Variants in VAV3 observed in about 807,000 individuals in gnomAD.
VAV3 encodes the protein guanine nucleotide exchange factor VAV3.
Under a neutral mutation model 131.2 loss-of-function variants are expected in VAV3, and 94 were observed. The observed-to-expected ratio is 0.72, with a 90% CI of 0.61 to 0.85. The LOEUF (loss-of-function observed/expected upper bound fraction) is 0.85, where lower values mean the gene tolerates loss of function less well. Among genes scored for constraint, VAV3 ranks in the 40% least tolerant of loss-of-function variants. VAV3 has a pLI of 0.00. For missense variants in VAV3, 939 were observed against 1,002.7 expected (o/e 0.94, Z 0.86); for synonymous variants, 349 against 342.0 (o/e 1.02, Z -0.22).
At chr1:107,635,598 T>C (rs1350297539) in intron 20 of VAV3, among the ~76,000 whole-genome samples, 2 of 152,148 alleles carry the variant, frequency 1.3e-5, no homozygotes, top group Admixed American at 6.5e-5. Context: ...TGTGCACACG[T>C]ACCCTAAAAC....
intron 15 of VAV3, among the ~76,000 whole-genome samples, chr1:107,729,711 G>A (rs969622332): frequency 2.0e-5 from 3 of 152,126 alleles, no homozygotes; most frequent in Non-Finnish European, 2.9e-5. Context: ...AGCATCCAAA[G>A]CATAGCATTG....
chr1:107,623,872 G>C (rs928528627), intron 20 of VAV3, among the ~76,000 whole-genome samples: 8 of 152,116 alleles, frequency 5.3e-5, no homozygotes, highest in Non-Finnish European at 1.0e-4. Context: ...CCCTATCTCT[G>C]GCATAGTTCT....
intron 22 of VAV3, among the ~76,000 whole-genome samples, chr1:107,606,257 T>C (rs1652260797): frequency 6.6e-6 from 1 of 152,218 alleles, no homozygotes; most frequent in Admixed American, 6.5e-5. Context: ...GGTGAGAAAT[T>C]ATTTTGCCTC....
chr1:107,648,831 G>T (rs1557732317), intron 19 of VAV3, among the ~76,000 whole-genome samples: 1 of 152,042 alleles, frequency 6.6e-6, no homozygotes, highest in South Asian at 2.1e-4. Flanking sequence ...CAACCTACAG[G>T]GAATGAGACT....
At chr1:107,906,439 C>T (rs1229604220) in intron 1 of VAV3, among the ~76,000 whole-genome samples, 4 of 151,988 alleles carry the variant, frequency 2.6e-5, no homozygotes, top group Non-Finnish European at 4.4e-5. Context: ...CCGAGGTGGG[C>T]GGATCATGAG....
In VAV3 at chr1:107,909,986, T is replaced by C. The variant is rs561959333; in HGVS notation, c.205-34969A>G. ...GTCAAATCCAAATTAGTAATGAAAA[T>C]AGTTATCATTATTGATAATATTGAG... On this transcript the variant is annotated intron_variant, in intron 1 of 26. Coordinates refer to ENST00000370056, the MANE Select transcript of VAV3 (RefSeq NM_006113.5). Among the ~76,000 whole-genome samples the C allele has an allele frequency of 2.0e-5, 3 of 152,236 alleles. No homozygotes were observed. The South Asian group carries it at 6.2e-4, about 32-fold the overall frequency.
At chr1:107,693,174 A>G (rs1371310845) in intron 17 of VAV3, among the ~76,000 whole-genome samples, 2 of 152,294 alleles carry the variant, frequency 1.3e-5, no homozygotes, top group Admixed American at 6.5e-5. Context: ...CATGCACTTC[A>G]GAGCTCCTGT....
At chr1:107,921,084 T>C (rs917622911) in intron 1 of VAV3, among the ~76,000 whole-genome samples, 4 of 152,224 alleles carry the variant, frequency 2.6e-5, no homozygotes, top group African/African-American at 7.2e-5. Context: ...CAAAACAAAA[T>C]TCCAATTATA....
intron 2 of VAV3, among the ~76,000 whole-genome samples, chr1:107,819,257 A>C (rs1304518932): frequency 1.3e-5 from 2 of 152,176 alleles, no homozygotes; most frequent in Admixed American, 1.3e-4. Flanking sequence ...GATTAAATAC[A>C]TATATATTCA....
intron 1 of VAV3, among the ~76,000 whole-genome samples, chr1:107,962,694 T>C (rs907905117): frequency 6.6e-6 from 1 of 152,206 alleles, no homozygotes; most frequent in Non-Finnish European, 1.5e-5. Context: ...CCTTCTAGGA[T>C]TCACATTTGA....
intron 15 of VAV3, among the ~76,000 whole-genome samples, chr1:107,744,731 T>C (rs1466281379): frequency 6.6e-6 from 1 of 152,192 alleles, no homozygotes; most frequent in Non-Finnish European, 1.5e-5. Flanking sequence ...AACTGTCTGA[T>C]TGCTAGATCC....
chr1:107,746,411 G>T (rs529222880), intron 15 of VAV3, among the ~76,000 whole-genome samples: 1 of 151,988 alleles, frequency 6.6e-6, no homozygotes, highest in East Asian at 1.9e-4. Flanking sequence ...ACTTCTACTG[G>T]TGTGTTATTT....
intron 15 of VAV3, among the ~76,000 whole-genome samples, chr1:107,712,655 C>CA (rs144950429): frequency 0.048 from 7,333 of 152,014 alleles, 216 homozygotes; most frequent in South Asian, 0.089. Context: ...TTAGTCTATT[C>CA]AAAAAATAAA....
At chr1:107,880,599 C>T (rs745470201) in intron 1 of VAV3, among the ~76,000 whole-genome samples, 10 of 152,058 alleles carry the variant, frequency 6.6e-5, no homozygotes, top group Non-Finnish European at 1.5e-5. Flanking sequence ...AGCTCGAGAC[C>T]AGCCTGGCCA....
chr1:107,586,942 G>A (rs1481198000), intron 25 of VAV3, among the ~76,000 whole-genome samples: 1 of 152,094 alleles, frequency 6.6e-6, no homozygotes, highest in Non-Finnish European at 1.5e-5. Context: ...GGTGTTTTGT[G>A]TGGTATTGAA....
intron 19 of VAV3, among the ~76,000 whole-genome samples, chr1:107,660,092 C>G (rs1190849469): frequency 6.6e-6 from 1 of 152,126 alleles, no homozygotes; most frequent in Non-Finnish European, 1.5e-5. Context: ...TCATCTAATT[C>G]ACCTTCAATT....
At chr1:107,959,100 A>G (rs1188343631) in intron 1 of VAV3, among the ~76,000 whole-genome samples, 1 of 151,868 alleles carries the variant, frequency 6.6e-6, no homozygotes, top group Non-Finnish European at 1.5e-5. Flanking sequence ...CGTCTCTACT[A>G]AAATACAAAA....
chr1:107,742,388 G>T (rs1343622878), intron 15 of VAV3, among the ~76,000 whole-genome samples: 1 of 152,140 alleles, frequency 6.6e-6, no homozygotes, highest in Non-Finnish European at 1.5e-5. Flanking sequence ...CATTAAATAG[G>T]CAAACAGATC....
intron 1 of VAV3, among the ~76,000 whole-genome samples, chr1:107,898,746 A>G (rs1040484308): frequency 6.6e-6 from 1 of 152,230 alleles, no homozygotes; most frequent in African/African-American, 2.4e-5. Context: ...CACATATCCC[A>G]TAAAATATGT....
Sources: allele counts gnomAD v4.1 joint callset (sites outside exome capture counted in the v4.1 genomes callset), GRCh38; gene constraint gnomAD v4.1.1; transcripts MANE v1.5; gene names NCBI Gene and HGNC (gene_info 2026-07-23, HGNC 2026-07-21).